MYOF: variants seen among roughly 807,000 people sequenced by gnomAD.
MYOF encodes myoferlin.
In MYOF, 244 loss-of-function variants were observed where a neutral mutation model predicts 284.2. The observed-to-expected ratio is 0.86, with a 90% CI of 0.77 to 0.95. The LOEUF is 0.95. MYOF is among the 40% of genes least tolerant of loss of function. MYOF has a pLI of 0.00. For missense variants in MYOF, 2,496 were observed against 2,560.6 expected (o/e 0.97, Z 0.54); for synonymous variants, 904 against 919.7 (o/e 0.98, Z 0.31).
chr10:93,422,217 C>T (rs1848384113), intron 5 of MYOF, among the ~76,000 whole-genome samples: 1 of 152,224 alleles, frequency 6.6e-6, no homozygotes, highest in Non-Finnish European at 1.5e-5. Flanking sequence ...CACTTGGTGA[C>T]CTTCTTTGTT....
chr10:93,397,302 A>C lies in MYOF; in HGVS notation c.1291-12T>G. 3 of 1,601,224 alleles carry C rather than the reference A, an allele frequency of 1.9e-6. No homozygotes were observed. The highest frequency in any genetic ancestry group is 1.1e-5 in the South Asian group (1 of 89,404). On this transcript the variant is annotated splice_polypyrimidine_tract_variant and intron_variant, in intron 14 of 53. Coordinates refer to ENST00000359263, the MANE Select transcript of MYOF (RefSeq NM_013451.4). ...CACACTGAAGGAAACTAAAAAAATG[A>C]GACAGAAAAAAGTAGTTATTTCTCA...
At chr10:93,370,311 CTAATTTTTTTT>C (rs1287053624) in intron 24 of MYOF, among the ~76,000 whole-genome samples, 1 of 108,262 alleles carries the variant, frequency 9.2e-6, no homozygotes, top group African/African-American at 5.3e-5. Context: ...GTAATGATTA[CTAATTTTTTTT>C]TTTTTTTTTT....
At chr10:93,384,724 T>C (rs192944257) in intron 19 of MYOF, among the ~76,000 whole-genome samples, 1 of 152,160 alleles carries the variant, frequency 6.6e-6, no homozygotes. Context: ...GCTCTCTTTC[T>C]GATCATCAGT....
chr10:93,425,944 G>A, intron 5 of MYOF, 127 bp downstream of exon 5: 2 of 922,532 alleles, frequency 2.2e-6, no homozygotes, highest in South Asian at 1.6e-5. Context: ...GCCTCTCGGG[G>A]CCCCTGTCTG....
At chr10:93,412,077 C>G (rs1019308865) in intron 5 of MYOF, among the ~76,000 whole-genome samples, 4 of 152,178 alleles carry the variant, frequency 2.6e-5, no homozygotes, top group African/African-American at 9.7e-5. Flanking sequence ...CCTTAGAGAT[C>G]CTTGATCCAA....
intron 22 of MYOF, among the ~76,000 whole-genome samples, chr10:93,376,729 C>G (rs1845853826): frequency 6.6e-6 from 1 of 152,192 alleles, no homozygotes; most frequent in South Asian, 2.1e-4. Flanking sequence ...TCACTTCCCC[C>G]TTTGATTTCC....
At chr10:93,395,050 T>C (rs1846935111) in intron 16 of MYOF, among the ~76,000 whole-genome samples, 1 of 152,060 alleles carries the variant, frequency 6.6e-6, no homozygotes, top group Non-Finnish European at 1.5e-5. Flanking sequence ...TTGCCCAAGA[T>C]AAAATTTTGT....
intron 1 of MYOF, among the ~76,000 whole-genome samples, chr10:93,481,209 C>T (rs1170847926): frequency 3.3e-5 from 5 of 152,102 alleles, no homozygotes; most frequent in Admixed American, 3.3e-4. Context: ...TTTAAAATTA[C>T]CATGAGCCTT....
At chr10:93,438,654 G>A (rs1422665939) in intron 3 of MYOF, among the ~76,000 whole-genome samples, 1 of 152,154 alleles carries the variant, frequency 6.6e-6, no homozygotes, top group Non-Finnish European at 1.5e-5. Context: ...CCCAATGGCT[G>A]TGGGAGTAAA....
At chr10:93,316,573 C>G (rs527670357) in intron 50 of MYOF, 141 bp downstream of exon 50, 2 of 711,396 alleles carry the variant, frequency 2.8e-6, no homozygotes, top group East Asian at 5.2e-5. Context: ...CACACAAGCA[C>G]TGGGTGTATC....
intron 1 of MYOF, among the ~76,000 whole-genome samples, chr10:93,465,236 A>G (rs962822932): frequency 1.3e-5 from 2 of 152,218 alleles, no homozygotes; most frequent in African/African-American, 4.8e-5. Context: ...GACAAAAAGC[A>G]ATTAGTTTCC....
At chr10:93,315,109 T>C (rs1049097927) in intron 50 of MYOF, among the ~76,000 whole-genome samples, 1 of 152,194 alleles carries the variant, frequency 6.6e-6, no homozygotes, top group African/African-American at 2.4e-5. Context: ...CCATATACTT[T>C]ATGTAAGCCT....
chr10:93,377,519 A>C, intron 21 of MYOF, 90 bp from the exon 22 acceptor site: 1 of 949,866 alleles, frequency 1.1e-6, no homozygotes. Context: ...AAATCATGTA[A>C]ATATTTTTGT....
chr10:93,369,892 A>T (rs1398790108), intron 24 of MYOF, 116 bp from the exon 25 acceptor site: 1 of 1,320,996 alleles, frequency 7.6e-7, no homozygotes, highest in Non-Finnish European at 1.0e-6. Context: ...GTCTAATTTT[A>T]TGTTTGCTTC....
intron 12 of MYOF, among the ~76,000 whole-genome samples, chr10:93,400,553 G>A (rs922288088): frequency 6.6e-6 from 1 of 151,852 alleles, no homozygotes; most frequent in African/African-American, 2.4e-5. Flanking sequence ...AAGAGGAAAA[G>A]GATTCCCAAG....
chr10:93,338,631 G>T (rs1439891657), intron 39 of MYOF, among the ~76,000 whole-genome samples: 2 of 152,190 alleles, frequency 1.3e-5, no homozygotes, highest in African/African-American at 4.8e-5. Context: ...AGGCATCATG[G>T]TTCAGTTAGA....
intron 1 of MYOF, among the ~76,000 whole-genome samples, chr10:93,478,710 T>C (rs965026483): frequency 6.6e-6 from 1 of 151,078 alleles, no homozygotes; most frequent in African/African-American, 2.4e-5. Context: ...TGTGTGCCTA[T>C]AGTTCAGCTA....
At chr10:93,356,526 G>A in intron 30 of MYOF, 149 bp downstream of exon 30, 1 of 785,428 alleles carries the variant, frequency 1.3e-6, no homozygotes, top group Non-Finnish European at 2.0e-6. Context: ...GAGCACCCAG[G>A]ATGTGTGGCT....
At chr10:93,320,089 G>C (rs1842790213) in intron 48 of MYOF, 76 bp from the exon 49 acceptor site, 1 of 1,532,502 alleles carries the variant, frequency 6.5e-7, no homozygotes, top group African/African-American at 1.4e-5. Context: ...GCAGTAATTA[G>C]GGGAGCAAAG....
Sources: allele counts gnomAD v4.1 joint callset (sites outside exome capture counted in the v4.1 genomes callset), GRCh38; gene constraint gnomAD v4.1.1; transcripts MANE v1.5; gene names NCBI Gene and HGNC (gene_info 2026-07-23, HGNC 2026-07-21).